The following MDGA2 variants were observed in gnomAD, a reference collection of about 807,000 sequenced individuals.
MDGA2 encodes the protein MAM domain containing glycosylphosphatidylinositol anchor 2.
Under a neutral mutation model 117.8 loss-of-function variants are expected in MDGA2, and 40 were observed. That is an observed-to-expected ratio of 0.34 (90% confidence interval 0.26 to 0.44). MDGA2 has a LOEUF of 0.44. Among genes scored for constraint, MDGA2 ranks in the 20% least tolerant of loss-of-function variants. The pLI is 1.00. For synonymous variants in MDGA2, 452 were observed against 439.0 expected (o/e 1.03, Z -0.37); for missense variants, 1,123 against 1,250.6 (o/e 0.90, Z 1.54).
chr14:47,575,973 A>T (rs1273920290), intron 1 of MDGA2, among the ~76,000 whole-genome samples: 1 of 152,188 alleles, frequency 6.6e-6, no homozygotes, highest in Non-Finnish European at 1.5e-5. Flanking sequence ...TCCTCTGAAG[A>T]ACTATTATAT....
intron 1 of MDGA2, among the ~76,000 whole-genome samples, chr14:47,343,721 C>T (rs370466140): frequency 6.6e-6 from 1 of 152,012 alleles, no homozygotes; most frequent in African/African-American, 2.4e-5. Flanking sequence ...TTTCATATTG[C>T]TCTGTTAATT....
intron 3 of MDGA2, among the ~76,000 whole-genome samples, chr14:47,210,108 C>T (rs1021993847): frequency 3.3e-5 from 5 of 152,094 alleles, no homozygotes; most frequent in Admixed American, 6.6e-5. Flanking sequence ...GTAAATTGTA[C>T]TTGTAAAATA....
intron 8 of MDGA2, among the ~76,000 whole-genome samples, chr14:47,018,696 G>C (rs915662634): frequency 8.6e-6 from 1 of 116,844 alleles, no homozygotes; most frequent in Non-Finnish European, 1.6e-5. Context: ...GGCAGGCCAA[G>C]CAACTTCCCA....
chr14:47,032,967 C>T (rs1196147909), intron 8 of MDGA2, among the ~76,000 whole-genome samples: 4 of 152,116 alleles, frequency 2.6e-5, no homozygotes, highest in African/African-American at 4.8e-5. Flanking sequence ...GGATTATAAC[C>T]CCTGCTCTGG....
intron 2 of MDGA2, among the ~76,000 whole-genome samples, chr14:47,266,999 T>C (rs1887986557): frequency 6.6e-6 from 1 of 152,156 alleles, no homozygotes; most frequent in African/African-American, 2.4e-5. Context: ...TATACCTAAC[T>C]TTGAATATAG....
chr14:47,147,382 G>C (rs954923715), intron 3 of MDGA2, among the ~76,000 whole-genome samples: 1 of 152,118 alleles, frequency 6.6e-6, no homozygotes, highest in South Asian at 2.1e-4. Context: ...GAAAGAAGTA[G>C]GACTGATCAA....
chr14:47,664,285 GA>G (rs1286314522), intron 1 of MDGA2, among the ~76,000 whole-genome samples: 1 of 151,740 alleles, frequency 6.6e-6, no homozygotes, highest in African/African-American at 2.4e-5. Flanking sequence ...ATTTTTTCCA[GA>G]AAAAAAATTA....
chr14:46,892,375 C>T (rs1882916943), intron 10 of MDGA2, among the ~76,000 whole-genome samples: 1 of 151,816 alleles, frequency 6.6e-6, no homozygotes, highest in Admixed American at 6.6e-5. Flanking sequence ...GATTAAAGAT[C>T]TATGCATAAG....
intron 1 of MDGA2, among the ~76,000 whole-genome samples, chr14:47,464,825 AT>A (rs1893566202): frequency 6.6e-6 from 1 of 152,144 alleles, no homozygotes; most frequent in African/African-American, 2.4e-5. Flanking sequence ...TAGAAAAACG[AT>A]TTTAAAACTC....
chr14:47,101,138 A>T (rs376847377), intron 5 of MDGA2, among the ~76,000 whole-genome samples: 13 of 148,746 alleles, frequency 8.7e-5, no homozygotes, highest in Non-Finnish European at 1.6e-4. Context: ...GATAGATAGA[A>T]AGAAATTGGT....
chr14:47,520,163 C>T (rs1249027906), intron 1 of MDGA2, among the ~76,000 whole-genome samples: 3 of 152,180 alleles, frequency 2.0e-5, no homozygotes, highest in Admixed American at 2.0e-4. Context: ...AAATCACCTA[C>T]TTCACTTATT....
At chr14:47,079,982 C>A (rs187318571) in intron 6 of MDGA2, among the ~76,000 whole-genome samples, 4 of 152,046 alleles carry the variant, frequency 2.6e-5, no homozygotes, top group Admixed American at 2.6e-4. Flanking sequence ...CCGCCCGCCT[C>A]GGCCTCCCAA....
chr14:47,203,926 T>C (rs996450739), intron 3 of MDGA2, among the ~76,000 whole-genome samples: 2 of 151,938 alleles, frequency 1.3e-5, no homozygotes, highest in African/African-American at 4.8e-5. Flanking sequence ...ATAAATGTCT[T>C]TGGGGTCTTT....
chr14:47,191,616 G>C (rs1196339402), intron 3 of MDGA2, among the ~76,000 whole-genome samples: 5 of 151,936 alleles, frequency 3.3e-5, no homozygotes, highest in African/African-American at 1.2e-4. Context: ...GTAGAAAAAT[G>C]ACCCTATGTC....
chr14:47,345,434 T>C (rs901264355), intron 1 of MDGA2, among the ~76,000 whole-genome samples: 4 of 152,074 alleles, frequency 2.6e-5, no homozygotes, highest in African/African-American at 7.2e-5. Context: ...CCAAACAAGT[T>C]TTCATATCCA....
At chr14:47,163,371 G>T (rs1348702037) in intron 3 of MDGA2, among the ~76,000 whole-genome samples, 1 of 152,144 alleles carries the variant, frequency 6.6e-6, no homozygotes, top group Non-Finnish European at 1.5e-5. Flanking sequence ...CCAATGTTAG[G>T]GGAGGGACCT....
chr14:47,096,764 T>C, intron 6 of MDGA2, 90 bp downstream of exon 6: 1 of 1,255,132 alleles, frequency 8.0e-7, no homozygotes, highest in Non-Finnish European at 1.1e-6. Flanking sequence ...ACATGCAATA[T>C]TTGAGGAGGT....
At chr14:46,908,234 C>A (rs1264834349) in intron 10 of MDGA2, among the ~76,000 whole-genome samples, 1 of 152,036 alleles carries the variant, frequency 6.6e-6, no homozygotes, top group African/African-American at 2.4e-5. Flanking sequence ...AGTAGGCTGA[C>A]TGAAAGGGGA....
intron 8 of MDGA2, among the ~76,000 whole-genome samples, chr14:47,002,531 C>A (rs1480391596): frequency 6.6e-6 from 1 of 151,908 alleles, no homozygotes; most frequent in Non-Finnish European, 1.5e-5. Context: ...AGTTCAAGAC[C>A]AGCCTGACCA....
Sources: allele counts gnomAD v4.1 joint callset (sites outside exome capture counted in the v4.1 genomes callset), GRCh38; gene constraint gnomAD v4.1.1; transcripts MANE v1.5; gene names NCBI Gene and HGNC (gene_info 2026-07-23, HGNC 2026-07-21).